TSPAN11: variants seen among roughly 807,000 people sequenced by gnomAD.
TSPAN11 encodes the protein tetraspanin 11.
Under a neutral mutation model 32.9 loss-of-function variants are expected in TSPAN11, and 29 were observed. The ratio of observed to expected loss-of-function variants is 0.88; its 90% CI spans 0.66 to 1.20. The LOEUF is 1.20. Among genes scored for constraint, TSPAN11 ranks in the 50% most tolerant of loss-of-function variants. The pLI, the probability that TSPAN11 is intolerant of heterozygous loss-of-function variation, is 0.00. For missense variants in TSPAN11, 283 were observed against 329.1 expected, an observed-to-expected ratio of 0.86 and a Z score of 1.08; for synonymous variants, 140 against 141.3, an observed-to-expected ratio of 0.99 and a Z score of 0.07.
chr12:31,009,987 G>A, the TSPAN11 span, among the ~76,000 whole-genome samples: 1 of 152,214 alleles, frequency 6.6e-6, no homozygotes, highest in Non-Finnish European at 1.5e-5. Flanking sequence ...TTATTTTACA[G>A]ATGAGCAGGC....
At chr12:30,943,385 T>G (rs1253879217) in intron 1 of TSPAN11, among the ~76,000 whole-genome samples, 2 of 152,242 alleles carry the variant, frequency 1.3e-5, no homozygotes, top group African/African-American at 4.8e-5. Flanking sequence ...TTTTCTCCTC[T>G]ATAAAAAGGG....
chr12:30,935,138 C>A (rs113697767), intron 1 of TSPAN11, among the ~76,000 whole-genome samples: 1 of 152,104 alleles, frequency 6.6e-6, no homozygotes, highest in African/African-American at 2.4e-5. Context: ...GTCTTCCCTG[C>A]GGAGAGGTGA....
At chr12:30,930,053 G>T (rs1470497936) in intron 1 of TSPAN11, among the ~76,000 whole-genome samples, 1 of 152,186 alleles carries the variant, frequency 6.6e-6, no homozygotes, top group Non-Finnish European at 1.5e-5. Context: ...GTCGGGAGTA[G>T]AGAACTGGAC....
intron 7 of TSPAN11, among the ~76,000 whole-genome samples, chr12:30,988,282 AG>A (rs1939241016): frequency 6.6e-6 from 1 of 152,176 alleles, no homozygotes; most frequent in African/African-American, 2.4e-5. Context: ...GCTGCATGCT[AG>A]AGTAGAGTTG....
chr12:30,950,881 A>T (rs1938367663), intron 1 of TSPAN11, among the ~76,000 whole-genome samples: 1 of 152,214 alleles, frequency 6.6e-6, no homozygotes, highest in Admixed American at 6.5e-5. Flanking sequence ...GAGATAAAGA[A>T]TGGCATTTAT....
chr12:31,013,081 C>T, the TSPAN11 span, among the ~76,000 whole-genome samples: 3 of 152,210 alleles, frequency 2.0e-5, no homozygotes, highest in Non-Finnish European at 2.9e-5. Context: ...TGTCTGCAAA[C>T]ATCTACTGAT....
chr12:30,938,696 T>C (rs1306694137), intron 1 of TSPAN11, among the ~76,000 whole-genome samples: 1 of 152,178 alleles, frequency 6.6e-6, no homozygotes, highest in Non-Finnish European at 1.5e-5. Context: ...TTACAGATCC[T>C]GAGCTCACCC....
intron 3 of TSPAN11, among the ~76,000 whole-genome samples, chr12:30,976,171 G>A (rs917151590): frequency 6.6e-6 from 1 of 152,142 alleles, no homozygotes. Context: ...GGCTGGCTAC[G>A]CCTGCCTCTG....
At chr12:30,931,879 CA>C (rs58500177) in intron 1 of TSPAN11, among the ~76,000 whole-genome samples, 610 of 60,868 alleles carry the variant, frequency 0.01, 6 homozygotes, top group African/African-American at 0.033. Context: ...GACGCTGTAT[CA>C]AAAAAAAAAA....
intron 1 of TSPAN11, among the ~76,000 whole-genome samples, chr12:30,941,047 T>C (rs2140274949): frequency 6.6e-6 from 1 of 152,262 alleles, no homozygotes; most frequent in East Asian, 1.9e-4. Context: ...ACGAAACCAG[T>C]CCCTGGTGCC....
downstream of TSPAN11, among the ~76,000 whole-genome samples, chr12:30,997,887 A>C (rs143912719): frequency 3.7e-3 from 557 of 152,318 alleles, 4 homozygotes; most frequent in African/African-American, 0.013. Context: ...GTCCCCAGGC[A>C]GGGACCCACT....
chr12:30,970,572 C>T (rs141159879), intron 3 of TSPAN11, among the ~76,000 whole-genome samples: 2 of 152,234 alleles, frequency 1.3e-5, no homozygotes, highest in African/African-American at 4.8e-5. Context: ...CTCTGTCCAC[C>T]GGCTCTCTGC....
chr12:30,975,530 C>T lies in TSPAN11; in HGVS notation c.277-3031C>T, dbSNP rs1019138391. Among the ~76,000 whole-genome samples, 10 of 152,116 alleles carry T rather than the reference C, an allele frequency of 6.6e-5. No homozygotes were observed. Among genetic ancestry groups the T allele is most frequent in the African/African-American group, 2.4e-4 (10 of 41,412 alleles). On this transcript the variant is annotated intron_variant, in intron 3 of 7. Coordinates refer to ENST00000546076, the MANE Select transcript of TSPAN11 (RefSeq NM_001370302.1). The surrounding 1 kb of genome is among the most constrained non-coding windows in gnomAD (Gnocchi z 4.5). ...CTCTCTCCCCTCCTCCTGACCACTC[C>T]GCAGGTCAGATAGCCTGTTTGATGC...
intron 3 of TSPAN11, among the ~76,000 whole-genome samples, chr12:30,964,894 T>A (rs1193179193): frequency 2.0e-5 from 3 of 152,204 alleles, no homozygotes; most frequent in Non-Finnish European, 4.4e-5. Context: ...TCTCCTAAAG[T>A]GAAGGCCCCC....
intron 3 of TSPAN11, among the ~76,000 whole-genome samples, chr12:30,968,182 C>T (rs1190139685): frequency 6.6e-6 from 1 of 152,202 alleles, no homozygotes; most frequent in African/African-American, 2.4e-5. Context: ...GGCAGTGAGT[C>T]TATCACTAGA....
intron 3 of TSPAN11, among the ~76,000 whole-genome samples, chr12:30,976,235 G>A (rs1158839224): frequency 6.6e-6 from 1 of 152,160 alleles, no homozygotes; most frequent in African/African-American, 2.4e-5. Context: ...TGGGAGGGCA[G>A]GAGGCGGGTT....
In TSPAN11 at chr12:30,994,140, C is replaced by T. The variant is rs1047363841; in HGVS notation, c.*2225C>T. ...TGACCTCCTTGTCCATGCCAACAGC[C>T]TGGGAGATGAGACAGGGTTAGAGGA... On this transcript the variant is annotated 3_prime_UTR_variant, in exon 8 of 8. Transcript: ENST00000546076. The T allele has an allele frequency of 1.3e-5, 2 of 152,304 alleles. No individual in the cohort carries two copies. Among genetic ancestry groups the T allele is most frequent in the African/African-American group, 4.8e-5 (2 of 41,450 alleles). The allele number at this position is 152,304 out of a possible 1,614,324, so 9.4% of individuals were successfully genotyped here.
intron 2 of TSPAN11, among the ~76,000 whole-genome samples, chr12:30,961,056 T>C (rs1938603167): frequency 6.6e-6 from 1 of 151,528 alleles, no homozygotes; most frequent in Admixed American, 6.6e-5. Flanking sequence ...AAAATGTAGT[T>C]ATTACCCTCA....
intron 1 of TSPAN11, among the ~76,000 whole-genome samples, chr12:30,934,936 C>T (rs980950069): frequency 6.6e-6 from 1 of 152,144 alleles, no homozygotes. Context: ...CTCTGCCTGT[C>T]CCCACCCCCA....
Sources: gnomAD v4.1 joint callset for allele counts (sites outside exome capture counted in the v4.1 genomes callset) on GRCh38, gnomAD v4.1.1 for gene constraint, Gnocchi (gnomAD v3.1) non-coding constraint, MANE v1.5 for transcripts, NCBI Gene and HGNC (gene_info 2026-07-23, HGNC 2026-07-21) for gene names.